GLMN: variants seen among roughly 807,000 people sequenced by gnomAD.
The protein encoded by GLMN is glomulin, FKBP associated protein, also known as glomulin.
Under a neutral mutation model 87.8 loss-of-function variants are expected in GLMN, and 75 were observed. The ratio of observed to expected loss-of-function variants is 0.85; its 90% CI spans 0.71 to 1.04. The LOEUF is 1.04. Ranked by LOEUF, GLMN falls within the 50% of genes least tolerant of loss-of-function variation. The pLI, the probability that GLMN is intolerant of heterozygous loss-of-function variation, is 0.00. For synonymous variants in GLMN, 206 were observed against 221.6 expected (o/e 0.93, Z 0.63); for missense variants, 588 against 658.8 (o/e 0.89, Z 1.18).
intron 7 of GLMN, among the ~76,000 whole-genome samples, chr1:92,285,200 A>G (rs748205982): frequency 6.6e-6 from 1 of 152,208 alleles, no homozygotes; most frequent in Non-Finnish European, 1.5e-5. Flanking sequence ...AATAGCAAAG[A>G]CTTGGAACCA....
the GLMN span, among the ~76,000 whole-genome samples, chr1:92,322,200 C>T: frequency 4.6e-5 from 7 of 151,186 alleles, no homozygotes; most frequent in African/African-American, 1.7e-4. Flanking sequence ...CCTGCCTTGG[C>T]CTCCCAAGGT....
At chr1:92,356,215 G>A in the GLMN span, among the ~76,000 whole-genome samples, 16 of 151,970 alleles carry the variant, frequency 1.1e-4, no homozygotes, top group Non-Finnish European at 2.1e-4. Context: ...GGTTTCAAGT[G>A]ATCCACCTGC....
chr1:92,261,072 A>AACTC lies in GLMN; in HGVS notation c.1473+1787_1473+1790dup, dbSNP rs534081021. Among the ~76,000 whole-genome samples the AACTC allele has an allele frequency of 2.8e-4, 43 of 152,282 alleles. No homozygotes were observed. The South Asian group carries it at 7.5e-3, about 26-fold the overall frequency. ...CTTTCTTGATTACTAAAAAAATAAA[A>AACTC]ACTCATACCCTACCCTAAGGCCACC... On this transcript the variant is annotated intron_variant, in intron 16 of 18. Transcript: ENST00000370360.
the GLMN span, among the ~76,000 whole-genome samples, chr1:92,313,414 TTAA>T: frequency 1.6e-4 from 24 of 151,528 alleles, no homozygotes; most frequent in East Asian, 2.5e-3. Flanking sequence ...AGGTACATTG[TTAA>T]TAATCAGTAA....
chr1:92,366,009 C>T, the GLMN span, among the ~76,000 whole-genome samples: 1 of 152,202 alleles, frequency 6.6e-6, no homozygotes, highest in Non-Finnish European at 1.5e-5. Context: ...ACTTGGAAAT[C>T]ACGATAGCTT....
chr1:92,277,824 T>A (rs1048828052), intron 7 of GLMN, among the ~76,000 whole-genome samples: 27 of 152,114 alleles, frequency 1.8e-4, no homozygotes, highest in Non-Finnish European at 1.6e-4. Flanking sequence ...AGTAAACCAC[T>A]AAATGTAAGT....
At chr1:92,273,167 G>A (rs886371086) in intron 7 of GLMN, among the ~76,000 whole-genome samples, 1 of 152,148 alleles carries the variant, frequency 6.6e-6, no homozygotes, top group Admixed American at 6.5e-5. Flanking sequence ...CCAGCCTTCA[G>A]GGACTTAAAA....
chr1:92,250,168 T>C (rs1653275941), intron 16 of GLMN, among the ~76,000 whole-genome samples: 1 of 152,046 alleles, frequency 6.6e-6, no homozygotes, highest in African/African-American at 2.4e-5. Context: ...AGGAAACCTT[T>C]GACAAAAGGA....
At chr1:92,315,765 G>A in the GLMN span, among the ~76,000 whole-genome samples, 1 of 152,142 alleles carries the variant, frequency 6.6e-6, no homozygotes, top group East Asian at 1.9e-4. Flanking sequence ...AGGTTTTCTA[G>A]CTCCTCATCT....
the GLMN span, chr1:92,323,717 C>CA: frequency 6.2e-7 from 1 of 1,614,112 alleles, no homozygotes; most frequent in East Asian, 2.2e-5. Flanking sequence ...AAAGAACAGA[C>CA]AGTAGTAGAT....
chr1:92,321,630 A>G, the GLMN span, among the ~76,000 whole-genome samples: 2 of 151,988 alleles, frequency 1.3e-5, no homozygotes, highest in Admixed American at 1.3e-4. Context: ...CTTTTTCGTA[A>G]TTCTTCATCT....
the GLMN span, among the ~76,000 whole-genome samples, chr1:92,348,243 A>G: frequency 1.1e-4 from 17 of 152,238 alleles, no homozygotes; most frequent in South Asian, 3.3e-3. Context: ...TTTGTCATTC[A>G]CCTTGCATCC....
At chr1:92,305,494 AAAATAAGATGG>A in the GLMN span, among the ~76,000 whole-genome samples, 2 of 150,480 alleles carry the variant, frequency 1.3e-5, no homozygotes, top group South Asian at 2.1e-4. Flanking sequence ...GAGACTTCAT[AAAATAAGATGG>A]AAAATTATAG....
chr1:92,324,309 C>T, the GLMN span: 2 of 1,613,976 alleles, frequency 1.2e-6, no homozygotes, highest in Non-Finnish European at 1.7e-6. Flanking sequence ...ATCTGAGGAT[C>T]AGGGAGTTTT....
chr1:92,322,504 A>G, the GLMN span, among the ~76,000 whole-genome samples: 1 of 151,862 alleles, frequency 6.6e-6, no homozygotes, highest in Non-Finnish European at 1.5e-5. Context: ...AGATCTTGCC[A>G]CTGCGCTCCA....
At chr1:92,280,872 C>T (rs1405270457) in intron 7 of GLMN, among the ~76,000 whole-genome samples, 2 of 152,002 alleles carry the variant, frequency 1.3e-5, no homozygotes, top group East Asian at 1.9e-4. Context: ...GTATCAGTGA[C>T]TGAAGATCCA....
intron 16 of GLMN, among the ~76,000 whole-genome samples, chr1:92,250,699 AT>A (rs1653356869): frequency 6.6e-6 from 1 of 152,216 alleles, no homozygotes; most frequent in Non-Finnish European, 1.5e-5. Context: ...AAAATGGAGA[AT>A]AAACAATTCA....
chr1:92,298,499 G>A (rs573050804), intron 1 of GLMN, among the ~76,000 whole-genome samples: 26 of 152,214 alleles, frequency 1.7e-4, no homozygotes, highest in African/African-American at 5.8e-4. Flanking sequence ...ACAAAAATTG[G>A]GGTGCAACAC....
At chr1:92,270,062 G>A (rs1656080006) in intron 8 of GLMN, among the ~76,000 whole-genome samples, 1 of 152,178 alleles carries the variant, frequency 6.6e-6, no homozygotes, top group African/African-American at 2.4e-5. Flanking sequence ...ATACGAACAT[G>A]AAGGCAGAGA....
Sources: gnomAD v4.1 joint callset for allele counts (sites outside exome capture counted in the v4.1 genomes callset) on GRCh38, gnomAD v4.1.1 for gene constraint, MANE v1.5 for transcripts, NCBI Gene and HGNC (gene_info 2026-07-23, HGNC 2026-07-21) for gene names.